LRPPRC: variants seen among roughly 807,000 people sequenced by gnomAD.
LRPPRC encodes leucine rich pentatricopeptide repeat containing.
A neutral mutation model predicts 180.3 loss-of-function variants in LRPPRC; 120 were observed. The observed-to-expected ratio is 0.67, with a 90% confidence interval of 0.57 to 0.77. The LOEUF is 0.77. Among genes scored for constraint, LRPPRC ranks in the 30% least tolerant of loss-of-function variants. The probability of loss-of-function intolerance (pLI) is 0.00; values close to 1 mark genes in which losing one functional copy is unlikely to be tolerated. For missense variants in LRPPRC, 2,012 were observed against 1,657.2 expected (o/e 1.21, Z -3.72); for synonymous variants, 723 against 600.0 (o/e 1.21, Z -3.00).
chr2:43,973,081 G>C (rs999790336), intron 11 of LRPPRC, among the ~76,000 whole-genome samples: 1 of 152,184 alleles, frequency 6.6e-6, no homozygotes, highest in Non-Finnish European at 1.5e-5. Context: ...TTAAGAACCT[G>C]AAAGATTGAA....
In LRPPRC at chr2:43,918,329, C is replaced by A. The variant is rs774857058; in HGVS notation, c.2966G>T (p.Arg989Leu). 1.2e-6 allele frequency: 2 copies of A among 1,609,612 alleles called. No individual in the cohort carries two copies. The highest frequency in any genetic ancestry group is 1.7e-4 in the Middle Eastern group (1 of 6,048). Reference protein sequence around the residue: ...NKIQEENVIPREKTLRLLAEI... With the variant: ...NKIQEENVIPLEKTLRLLAEI... ...TGCTAATAATCTTAATGTCTTTTCA[C>A]GAGGAATAACATTTTCTTCTTGGAT... The change falls in exon 28 of 38, where the codon CGT becomes CTT. Residue 989 changes from arginine (R) to leucine (L), a missense_variant. Arg to Leu is a moderately radical substitution (Grantham distance 102, BLOSUM62 -2). Transcript: ENST00000260665.
intron 19 of LRPPRC, 35 bp downstream of exon 19, chr2:43,947,696 T>C (rs1222149325): frequency 2.4e-6 from 3 of 1,235,714 alleles, no homozygotes; most frequent in Admixed American, 3.4e-5. Context: ...ATATGGGTAT[T>C]ATAGCATGTA....
chr2:43,974,985 A>G, intron 7 of LRPPRC, 106 bp downstream of exon 7: 2 of 1,211,900 alleles, frequency 1.7e-6, no homozygotes, highest in Non-Finnish European at 1.2e-6. Context: ...CTGCAAGGAA[A>G]CATCTTTGAA....
Position 43,952,657 on chromosome 2 carries a change from G to C in LRPPRC, c.1650-2057C>G, listed in dbSNP as rs148487284. ...TAAAAGTGACCCAGACTTTGTACTA[G>C]GTTCTAAGTGCATTATATTTTTTAT... is the stretch of plus-strand genomic sequence containing the variant. On this transcript the variant is annotated intron_variant, in intron 14 of 37. Transcript: ENST00000260665. 7.4e-4 allele frequency among the ~76,000 whole-genome samples: 113 copies of C among 152,268 alleles called. 1 individual carries two copies. In the East Asian group the frequency reaches 0.018, roughly 24 times the overall value.
chr2:43,893,406 C>A (rs1670567074), intron 36 of LRPPRC, among the ~76,000 whole-genome samples: 1 of 152,182 alleles, frequency 6.6e-6, no homozygotes, highest in African/African-American at 2.4e-5. Flanking sequence ...ATGTGGCAAA[C>A]TTTATTGTTG....
At chr2:43,983,758 G>C (rs781543026) in intron 1 of LRPPRC, among the ~76,000 whole-genome samples, 2 of 152,012 alleles carry the variant, frequency 1.3e-5, no homozygotes, top group Non-Finnish European at 2.9e-5. Flanking sequence ...GAAAAAACCA[G>C]TCACAAATTG....
chr2:43,896,660 G>A lies in LRPPRC; in HGVS notation c.3874C>T (p.Leu1292Phe), dbSNP rs1157831555. ...TTTCCTTGTTTCCTAGAATTCCTAAGGAGGAACAACAACAAAATCGGGGTT... is the reference window on the plus strand; with the variant it reads ...TTTCCTTGTTTCCTAGAATTCCTAAAGAGGAACAACAACAAAATCGGGGTT... The part of the protein sequence containing the change: ...EQTPILLLFL[L>F]RNSRKQGKAS... Residue 1292 changes from leucine to phenylalanine, a missense_variant, in exon 35 of 38, where the codon CTT becomes TTT. Transcript: ENST00000260665. The A allele has an allele frequency of 6.2e-7, 1 of 1,611,908 alleles. No homozygotes were observed.
rs2103745351 is a variant in LRPPRC, at chr2:43,982,317, T to C, written c.267A>G (p.Arg89=). 2.5e-6 allele frequency: 4 copies of C among 1,610,734 alleles called. No homozygotes were observed. Among genetic ancestry groups the C allele is most frequent in the Non-Finnish European group, 3.4e-6 (4 of 1,178,928 alleles). Residue 89 remains arginine, a synonymous_variant, in exon 2 of 38, where the codon AGA becomes AGG. Coordinates refer to ENST00000260665, the MANE Select transcript of LRPPRC (RefSeq NM_133259.4). The stretch of plus-strand genomic sequence containing the variant: ...CAGTTCTTCGAACAGAAAGATCTAG[T>C]CTCATTAGAGCCCAATCAAACTGAT... ...ISNQFDWALM[R]LDLSVRRTGR...
chr2:43,974,970 A>G (rs1240082512), intron 7 of LRPPRC, 121 bp downstream of exon 7: 10 of 1,077,562 alleles, frequency 9.3e-6, no homozygotes, highest in Non-Finnish European at 1.4e-5. Flanking sequence ...CATAAATACT[A>G]CTTTCTGCAA....
At chr2:43,950,754 G>C (rs1048183027) in intron 14 of LRPPRC, among the ~76,000 whole-genome samples, 154 bp from the exon 15 acceptor site, 11 of 152,038 alleles carry the variant, frequency 7.2e-5, no homozygotes, top group African/African-American at 2.7e-4. Flanking sequence ...AATTTAGAAA[G>C]GCTGACACTC....
intron 30 of LRPPRC, among the ~76,000 whole-genome samples, chr2:43,906,512 G>T (rs978109606): frequency 6.6e-6 from 1 of 152,186 alleles, no homozygotes; most frequent in African/African-American, 2.4e-5. Context: ...CCTAGCTGGA[G>T]ATTTCTGTTT....
At chr2:43,930,620 G>A (rs1672054640) in intron 25 of LRPPRC, among the ~76,000 whole-genome samples, 1 of 152,096 alleles carries the variant, frequency 6.6e-6, no homozygotes. Context: ...ACTGTTACAG[G>A]TAATAATCAT....
intron 3 of LRPPRC, among the ~76,000 whole-genome samples, chr2:43,978,605 T>C (rs1409954986): frequency 6.6e-6 from 1 of 152,118 alleles, no homozygotes; most frequent in African/African-American, 2.4e-5. Flanking sequence ...GCTTTACTTT[T>C]CTGCTCCTTT....
chr2:43,948,125 A>T lies in LRPPRC; in HGVS notation c.1917T>A (p.Ile639=). ...LLESYHVPEL[I]KDAHLLVESK... is the part of the protein sequence containing the mutation. ...TTGATTGCTATTTCACACACACCTT[A>T]ATCAATTCAGGAACATGGTAGCTTT... The change falls in exon 18 of 38, where the codon ATT becomes ATA. Residue 639 remains isoleucine (I), a synonymous_variant. Coordinates refer to ENST00000260665, the MANE Select transcript of LRPPRC (RefSeq NM_133259.4). 1 of 1,576,662 alleles carries T rather than the reference A, an allele frequency of 6.3e-7. No individual in the cohort carries two copies. Among genetic ancestry groups the T allele is most frequent in the Non-Finnish European group, 8.7e-7 (1 of 1,146,454 alleles).
chr2:43,898,762 T>C (rs751399415), intron 34 of LRPPRC, among the ~76,000 whole-genome samples: 1 of 152,176 alleles, frequency 6.6e-6, no homozygotes, highest in Non-Finnish European at 1.5e-5. Flanking sequence ...AATGTTTGAG[T>C]ATTCAAGTGA....
At chr2:43,935,763 C>G (rs547269696) in intron 23 of LRPPRC, among the ~76,000 whole-genome samples, 1 of 151,922 alleles carries the variant, frequency 6.6e-6, no homozygotes, top group Non-Finnish European at 1.5e-5. Flanking sequence ...AAATAAAATT[C>G]ACAGGTAATA....
At chr2:43,896,351 G>C in intron 35 of LRPPRC, 1 of 312,562 alleles carries the variant, frequency 3.2e-6, no homozygotes, top group South Asian at 3.1e-5. Flanking sequence ...GATTACAGGT[G>C]TGAGCCACCA....
chr2:43,948,320 G>C (rs1326097411), intron 17 of LRPPRC, 92 bp downstream of exon 17: 4 of 921,790 alleles, frequency 4.3e-6, no homozygotes, highest in Non-Finnish European at 7.3e-6. Flanking sequence ...TCATTGAGAA[G>C]TGGTCTGGTT....
chr2:43,974,104 T>C (rs774648268), intron 9 of LRPPRC, 46 bp downstream of exon 9: 2 of 1,544,432 alleles, frequency 1.3e-6, no homozygotes, highest in Admixed American at 3.3e-5. Flanking sequence ...AGAATCTTAT[T>C]TCACTGCCAA....
Sources: allele counts gnomAD v4.1 joint callset (sites outside exome capture counted in the v4.1 genomes callset), GRCh38; gene constraint gnomAD v4.1.1; transcripts MANE v1.5; gene names NCBI Gene and HGNC (gene_info 2026-07-23, HGNC 2026-07-21).